The following PRDM10 variants were observed in gnomAD, a reference collection of about 807,000 sequenced individuals.
PRDM10 encodes PR domain zinc finger protein 10.
Under a neutral mutation model 133.1 loss-of-function variants are expected in PRDM10, and 65 were observed. That is an observed-to-expected ratio of 0.49 (90% confidence interval 0.40 to 0.60). PRDM10 has a LOEUF of 0.60. Among genes scored for constraint, PRDM10 ranks in the 20% least tolerant of loss-of-function variants. PRDM10 has a pLI of 0.00. For missense variants in PRDM10, 1,137 were observed against 1,507.1 expected (o/e 0.75, Z 4.07); for synonymous variants, 582 against 580.4 (o/e 1.00, Z -0.04).
At chr11:129,904,342 T>C (rs907433740) in intron 20 of PRDM10, among the ~76,000 whole-genome samples, 1 of 152,172 alleles carries the variant, frequency 6.6e-6, no homozygotes, top group African/African-American at 2.4e-5. Flanking sequence ...CAAATCAACC[T>C]GATTAACATA....
chr11:129,944,852 G>A lies in PRDM10; in HGVS notation c.681C>T (p.Ile227=). 1 of 1,614,158 alleles carries A rather than the reference G, an allele frequency of 6.2e-7. No homozygotes were observed. The highest frequency in any genetic ancestry group is 8.5e-7 in the Non-Finnish European group (1 of 1,180,034). ...CGGGGCCAAACTGGGTGCGCTTGGG[G>A]ATGCGCCGCTTGGAGAACACCCCGC... ...FLGGVFSKRR[I]PKRTQFGPVE... The change falls in exon 6 of 21, where the codon ATC becomes ATT. Residue 227 remains isoleucine (I), a synonymous_variant. Coordinates refer to ENST00000360871, the MANE Select transcript of PRDM10 (RefSeq NM_199437.2).
At chr11:129,930,165 C>T (rs1055139652) in intron 11 of PRDM10, among the ~76,000 whole-genome samples, 9 of 152,234 alleles carry the variant, frequency 5.9e-5, no homozygotes, top group African/African-American at 1.4e-4. Flanking sequence ...ATACGCTGAA[C>T]GATCATGCAT....
chr11:129,955,637 T>C (rs1442690660), intron 3 of PRDM10, 66 bp from the exon 4 acceptor site: 35 of 1,498,488 alleles, frequency 2.3e-5, no homozygotes, highest in Non-Finnish European at 3.1e-5. Flanking sequence ...ACAGAAAAAT[T>C]ATCCTACTGC....
At chr11:129,976,577 AGCT>A (rs1414093305) in intron 1 of PRDM10, among the ~76,000 whole-genome samples, 46 of 152,372 alleles carry the variant, frequency 3.0e-4, no homozygotes, top group African/African-American at 1.0e-3. Flanking sequence ...TACTCCGAGC[AGCT>A]GCTGATGACC....
At chr11:129,969,292 T>A (rs190292861) in intron 1 of PRDM10, among the ~76,000 whole-genome samples, 1 of 152,212 alleles carries the variant, frequency 6.6e-6, no homozygotes, top group African/African-American at 2.4e-5. Context: ...AAAGAAATGA[T>A]ACTTGGGCTT....
At chr11:129,949,805 G>A (rs141182943) in intron 4 of PRDM10, among the ~76,000 whole-genome samples, 3,902 of 152,012 alleles carry the variant, frequency 0.026, 67 homozygotes, top group Middle Eastern at 0.065. Context: ...ATGGTAGCGG[G>A]TGCCTGTAAT....
At chr11:129,984,680 C>T (rs970761478) in intron 1 of PRDM10, among the ~76,000 whole-genome samples, 8 of 152,192 alleles carry the variant, frequency 5.3e-5, no homozygotes, top group African/African-American at 1.7e-4. Flanking sequence ...CCTGATACTA[C>T]GCCTTCCTGA....
rs147216890 is a variant in PRDM10, at chr11:129,999,903, A to C, written c.-119+2819T>G. On this transcript the variant is annotated intron_variant, in intron 1 of 20. Transcript: ENST00000360871. ...GACACCTATTTACGTCTTGTTTTAAAAACTAGATATTAAACCAAGATTATG... is the reference window on the plus strand; with the variant it reads ...GACACCTATTTACGTCTTGTTTTAACAACTAGATATTAAACCAAGATTATG... Among the ~76,000 whole-genome samples the C allele has an allele frequency of 3.0e-3, 461 of 152,320 alleles. 3 individuals carry two copies. The highest frequency in any genetic ancestry group is 0.011 in the African/African-American group (437 of 41,562).
intron 1 of PRDM10, among the ~76,000 whole-genome samples, chr11:129,994,686 C>CT (rs1938952495): frequency 6.6e-6 from 1 of 152,084 alleles, no homozygotes; most frequent in Non-Finnish European, 1.5e-5. Flanking sequence ...GAGCCTCGCT[C>CT]TGACGCCCAG....
Position 129,931,107 on chromosome 11 carries a change from G to A in PRDM10, c.1439C>T (p.Thr480Ile), listed in dbSNP as rs1950841499. 3 of 1,614,094 alleles carry A rather than the reference G, an allele frequency of 1.9e-6. No homozygotes were observed. Among genetic ancestry groups the A allele is most frequent in the African/African-American group, 1.3e-5 (1 of 74,926 alleles). Residue 480 changes from threonine to isoleucine, a missense_variant, in exon 11 of 21, where the codon ACC (threonine) becomes ATC (isoleucine). Thr to Ile is a moderately conservative substitution (Grantham distance 89, BLOSUM62 -1). This residue lies in a region of PRDM10 where 635 missense variants were observed against 835.2 expected (regional missense o/e 0.76). Transcript: ENST00000360871. Reference protein sequence around the residue: ...SSLEHEPETHTLHLQPQHEES... With the variant: ...SSLEHEPETHILHLQPQHEES... ...TTCATGCTGCGGCTGCAGGTGCAGG[G>A]TGTGAGTTTCTGGTTCATGTTCCAG...
At position 129,981,710 on chromosome 11, in the gene PRDM10, AC is replaced by A. The variant is rs1275128046; in HGVS notation, c.-118-20629del. Among the ~76,000 whole-genome samples the A allele has an allele frequency of 2.0e-5, 3 of 152,084 alleles. No homozygotes were observed. The East Asian group carries it at 5.8e-4, about 29-fold the overall frequency. On this transcript the variant is annotated intron_variant, in intron 1 of 20. Transcript: ENST00000360871. ...CAGGAGTTCAAGACCAACCTGGTCAACATGGCGAAACCCCGTCTCTACTAAA... is the reference window on the plus strand; with the variant it reads ...CAGGAGTTCAAGACCAACCTGGTCAAATGGCGAAACCCCGTCTCTACTAAA...
intron 3 of PRDM10, 24 bp downstream of exon 3, chr11:129,957,722 A>T: frequency 1.3e-6 from 2 of 1,591,772 alleles, no homozygotes; most frequent in Non-Finnish European, 8.6e-7. Flanking sequence ...TTGACAAATT[A>T]TCAACAGATA....
At chr11:129,907,989 T>C (rs1565447476) in intron 19 of PRDM10, among the ~76,000 whole-genome samples, 1 of 150,006 alleles carries the variant, frequency 6.7e-6, no homozygotes, top group Non-Finnish European at 1.5e-5. Flanking sequence ...TAGTCCTAGC[T>C]ACTGGGAGGC....
At chr11:129,948,373 C>T (rs1282007298) in intron 4 of PRDM10, among the ~76,000 whole-genome samples, 1 of 152,048 alleles carries the variant, frequency 6.6e-6, no homozygotes, top group Non-Finnish European at 1.5e-5. Context: ...TGTTGTTTTC[C>T]TCACCTAAAA....
At chr11:129,908,851 T>C (rs1206440572) in intron 19 of PRDM10, among the ~76,000 whole-genome samples, 2 of 151,874 alleles carry the variant, frequency 1.3e-5, no homozygotes, top group South Asian at 2.1e-4. Flanking sequence ...CTCAGCCTCC[T>C]GAGTAGCTGA....
chr11:130,002,418 G>A (rs550260495), intron 1 of PRDM10, among the ~76,000 whole-genome samples: 2 of 152,236 alleles, frequency 1.3e-5, no homozygotes, highest in African/African-American at 2.4e-5. Context: ...GCTGGAGGGG[G>A]CCTTGCCCTC....
intron 5 of PRDM10, among the ~76,000 whole-genome samples, chr11:129,946,392 T>C (rs1366708205): frequency 1.3e-5 from 2 of 152,184 alleles, no homozygotes; most frequent in Non-Finnish European, 2.9e-5. Flanking sequence ...CAGACAGATT[T>C]TACCACCACC....
intron 1 of PRDM10, among the ~76,000 whole-genome samples, chr11:129,964,375 CA>C (rs1218965570): frequency 6.6e-6 from 1 of 152,168 alleles, no homozygotes; most frequent in Non-Finnish European, 1.5e-5. Flanking sequence ...TCAAAAGGCA[CA>C]AAAAGGTATA....
Position 129,914,896 on chromosome 11 carries a change from G to T in PRDM10, c.2649C>A (p.Ser883Arg). 2 of 1,614,130 alleles carry T rather than the reference G, an allele frequency of 1.2e-6. No homozygotes were observed. The highest frequency in any genetic ancestry group is 1.7e-6 in the Non-Finnish European group (2 of 1,180,038). The change falls in exon 17 of 21, where the codon AGC (serine) becomes AGA (arginine). Residue 883 changes from serine (S) to arginine (R), a missense_variant. Coordinates refer to ENST00000360871, the MANE Select transcript of PRDM10 (RefSeq NM_199437.2). The part of the protein sequence containing the change: ...SATPAVLTTD[S>R]ATGETVVTTD... ...TCGTCACCACAGTCTCTCCAGTGGCGCTGTCTGTAGTCAAAACCGCTGGGG... is the reference window on the plus strand; with the variant it reads ...TCGTCACCACAGTCTCTCCAGTGGCTCTGTCTGTAGTCAAAACCGCTGGGG...
Sources: gnomAD v4.1 joint callset for allele counts (sites outside exome capture counted in the v4.1 genomes callset) on GRCh38, gnomAD v4.1.1 for gene constraint, gnomAD v4.1.1 regional missense constraint, MANE v1.5 for transcripts, NCBI Gene and HGNC (gene_info 2026-07-23, HGNC 2026-07-21) for gene names.